CA10: variants seen among roughly 807,000 people sequenced by gnomAD.
The protein encoded by CA10 is carbonic anhydrase 10 (inactive).
CA10 carries 14 observed loss-of-function variants against 44.2 expected under a neutral mutation model. That is an observed-to-expected ratio of 0.32 (90% CI 0.21 to 0.50). The LOEUF (loss-of-function observed/expected upper bound fraction) is 0.50. Among genes scored for constraint, CA10 ranks in the 20% least tolerant of loss-of-function variants. The pLI, the probability that CA10 is intolerant of heterozygous loss-of-function variation, is 0.99. For missense variants in CA10, 350 were observed against 409.7 expected (o/e 0.85, Z 1.26); for synonymous variants, 159 against 141.6 (o/e 1.12, Z -0.87).
intron 3 of CA10, among the ~76,000 whole-genome samples, chr17:51,854,489 G>A (rs570948286): frequency 6.6e-6 from 1 of 152,248 alleles, no homozygotes; most frequent in South Asian, 2.1e-4. Context: ...TAGTTTTCAG[G>A]GACTAGTTTT....
intron 3 of CA10, among the ~76,000 whole-genome samples, chr17:51,827,605 ATATT>A (rs1356364654): frequency 6.6e-6 from 1 of 152,192 alleles, no homozygotes; most frequent in African/African-American, 2.4e-5. Flanking sequence ...CAGTGTCTAT[ATATT>A]TATTTCATGA....
chr17:51,820,183 C>CCG (rs1156466012), intron 3 of CA10, among the ~76,000 whole-genome samples: 14 of 60,362 alleles, frequency 2.3e-4, no homozygotes, highest in African/African-American at 6.5e-4. Flanking sequence ...AACCTGAGCG[C>CCG]CGCCCCCCCC....
chr17:51,879,007 G>A (rs1980244299), intron 3 of CA10, among the ~76,000 whole-genome samples: 1 of 147,644 alleles, frequency 6.8e-6, no homozygotes, highest in African/African-American at 2.5e-5. Flanking sequence ...ACCACTTTTG[G>A]CATTTTAGAT....
intron 4 of CA10, among the ~76,000 whole-genome samples, chr17:51,675,573 A>G (rs1340366654): frequency 6.9e-6 from 1 of 145,542 alleles, no homozygotes; most frequent in Non-Finnish European, 1.5e-5. Context: ...AAAATTAGCC[A>G]GGTGTGGTGG....
upstream of CA10, chr17:52,159,627 C>G (rs1019353288): frequency 6.6e-6 from 1 of 152,250 alleles, no homozygotes; most frequent in Non-Finnish European, 1.5e-5. Context: ...ACACACACAC[C>G]CAGCGCGCGG....
At chr17:51,984,432 G>A (rs1203883233) in intron 2 of CA10, among the ~76,000 whole-genome samples, 1 of 151,446 alleles carries the variant, frequency 6.6e-6, no homozygotes, top group Non-Finnish European at 1.5e-5. Context: ...GACATTCTAA[G>A]GTCACATCTC....
intron 1 of CA10, among the ~76,000 whole-genome samples, chr17:52,115,584 C>CA (rs58590653): frequency 1 from 152,268 of 152,268 alleles, 76,134 homozygotes; most frequent in Non-Finnish European, 1. Flanking sequence ...TTTTCTTTTA[C>CA]ATATTGGGGG....
chr17:52,153,156 G>T (rs1989738092), intron 1 of CA10, among the ~76,000 whole-genome samples: 1 of 152,024 alleles, frequency 6.6e-6, no homozygotes, highest in Non-Finnish European at 1.5e-5. Flanking sequence ...TTTCCCTTGG[G>T]ATTTCATACA....
intron 3 of CA10, among the ~76,000 whole-genome samples, chr17:51,825,088 CAATCT>C (rs1301998439): frequency 2.6e-4 from 39 of 152,194 alleles, no homozygotes; most frequent in Admixed American, 7.2e-4. Context: ...GTAAGTCTGC[CAATCT>C]AATCTAATAG....
chr17:51,717,670 T>TGC (rs1916172927), intron 4 of CA10, among the ~76,000 whole-genome samples: 1 of 90,138 alleles, frequency 1.1e-5, no homozygotes, highest in South Asian at 3.8e-4. Flanking sequence ...TATATACATG[T>TGC]ATATATGTAT....
intron 4 of CA10, among the ~76,000 whole-genome samples, chr17:51,656,898 G>A (rs1913815628): frequency 6.6e-6 from 1 of 152,204 alleles, no homozygotes; most frequent in Non-Finnish European, 1.5e-5. Flanking sequence ...ATTTGGGTGG[G>A]TTAAGGAGCA....
At chr17:51,824,993 G>A (rs1012728257) in intron 3 of CA10, among the ~76,000 whole-genome samples, 1 of 152,100 alleles carries the variant, frequency 6.6e-6, no homozygotes, top group African/African-American at 2.4e-5. Flanking sequence ...TTTAACTTTC[G>A]GATCATTTTG....
chr17:51,699,768 CCAG>C (rs1426243778), intron 4 of CA10, among the ~76,000 whole-genome samples: 1 of 152,144 alleles, frequency 6.6e-6, no homozygotes, highest in African/African-American at 2.4e-5. Flanking sequence ...AAAATTCTCC[CCAG>C]CAGATGTGTA....
intron 4 of CA10, among the ~76,000 whole-genome samples, chr17:51,657,348 A>G (rs1913834085): frequency 6.6e-6 from 1 of 152,166 alleles, no homozygotes; most frequent in African/African-American, 2.4e-5. Flanking sequence ...CTTCCTTTCT[A>G]CTGCCTTCCA....
At chr17:51,802,278 C>T (rs1906960890) in intron 3 of CA10, among the ~76,000 whole-genome samples, 1 of 152,154 alleles carries the variant, frequency 6.6e-6, no homozygotes, top group Admixed American at 6.5e-5. Context: ...TGGTTTCCAT[C>T]CTGGTTCTGT....
chr17:51,954,596 C>T (rs1983600132), intron 2 of CA10, among the ~76,000 whole-genome samples: 1 of 152,186 alleles, frequency 6.6e-6, no homozygotes, highest in South Asian at 2.1e-4. Flanking sequence ...TATCCTCACT[C>T]CCAAACCAGT....
intron 4 of CA10, among the ~76,000 whole-genome samples, chr17:51,692,260 A>G (rs993450080): frequency 3.0e-5 from 3 of 100,108 alleles, no homozygotes; most frequent in Non-Finnish European, 4.1e-5. Context: ...TTTGGTAGCT[A>G]TTGTAAATGG....
At chr17:51,865,861 C>G (rs1028460365) in intron 3 of CA10, among the ~76,000 whole-genome samples, 1 of 152,188 alleles carries the variant, frequency 6.6e-6, no homozygotes, top group African/African-American at 2.4e-5. Flanking sequence ...ACTAGAAGCA[C>G]CCACAGCCTA....
intron 3 of CA10, among the ~76,000 whole-genome samples, chr17:51,789,427 G>A (rs1283812050): frequency 6.6e-6 from 1 of 152,188 alleles, no homozygotes; most frequent in Non-Finnish European, 1.5e-5. Context: ...ATAGATGAAA[G>A]CTTAGTATTT....
Sources: allele counts gnomAD v4.1 joint callset (sites outside exome capture counted in the v4.1 genomes callset), GRCh38; gene constraint gnomAD v4.1.1; transcripts MANE v1.5; gene names NCBI Gene and HGNC (gene_info 2026-07-23, HGNC 2026-07-21).